LIN54: variants seen among roughly 807,000 people sequenced by gnomAD.
LIN54 encodes lin-54 DREAM MuvB core complex component, also known as protein lin-54 homolog.
LIN54 carries 9 observed loss-of-function variants against 78.7 expected under a neutral mutation model. The observed-to-expected ratio is 0.11, with a 90% CI of 0.07 to 0.20. The LOEUF (loss-of-function observed/expected upper bound fraction) is 0.20. Among genes scored for constraint, LIN54 ranks in the 10% least tolerant of loss-of-function variants. The probability of loss-of-function intolerance (pLI) is 1.00; values close to 1 mark genes in which losing one functional copy is unlikely to be tolerated. For missense variants in LIN54, 573 were observed against 889.9 expected (o/e 0.64, Z 4.53); for synonymous variants, 269 against 318.4 (o/e 0.84, Z 1.65).
intron 11 of LIN54, 143 bp from the exon 12 acceptor site, chr4:82,931,288 C>T: frequency 3.0e-6 from 2 of 665,606 alleles, no homozygotes; most frequent in Non-Finnish European, 5.2e-6. Flanking sequence ...GGCTGACAAA[C>T]AGTAACTACA....
chr4:83,000,747 CAGAA>C (rs1358103175), intron 1 of LIN54, among the ~76,000 whole-genome samples: 1 of 151,448 alleles, frequency 6.6e-6, no homozygotes, highest in African/African-American at 2.4e-5. Context: ...TCATGAAAAT[CAGAA>C]AGGATTACAC....
At chr4:82,970,237 G>T in intron 4 of LIN54, 90 bp downstream of exon 4, 1 of 1,173,660 alleles carries the variant, frequency 8.5e-7, no homozygotes. Flanking sequence ...GCTTGGGAAT[G>T]TACTAAAATT....
chr4:82,940,209 A>G (rs1722738080), intron 5 of LIN54, among the ~76,000 whole-genome samples: 1 of 152,228 alleles, frequency 6.6e-6, no homozygotes, highest in African/African-American at 2.4e-5. Context: ...TGTAGGTTCA[A>G]GACATTCAAA....
intron 1 of LIN54, among the ~76,000 whole-genome samples, chr4:82,992,310 C>T (rs1002676313): frequency 5.3e-5 from 8 of 152,172 alleles, no homozygotes; most frequent in African/African-American, 1.4e-4. Flanking sequence ...CTTCATTCCT[C>T]GTAGTGGTAA....
At chr4:82,971,484 A>C (rs1307456375) in intron 3 of LIN54, among the ~76,000 whole-genome samples, 1 of 151,806 alleles carries the variant, frequency 6.6e-6, no homozygotes, top group African/African-American at 2.4e-5. Context: ...ACCTTTTTGA[A>C]CCCACAATGG....
intron 4 of LIN54, among the ~76,000 whole-genome samples, chr4:82,956,954 T>C (rs1724387020): frequency 6.6e-6 from 1 of 152,124 alleles, no homozygotes; most frequent in African/African-American, 2.4e-5. Flanking sequence ...GGCTAATGGG[T>C]ACTGGTATAA....
rs1375493796 is a variant in LIN54, at chr4:82,984,670, T to C, written c.175A>G (p.Thr59Ala). The C allele has an allele frequency of 6.2e-7, 1 of 1,614,164 alleles. No homozygotes were observed. The highest frequency in any genetic ancestry group is 1.1e-5 in the South Asian group (1 of 91,086). ...NINSTGDSTA[T>A]PISTEPITVY... ...GTGATTGGTTCCGTGGAAATGGGCG[T>C]GGCTGTAGAGTCACCAGTAGAATTT... is the stretch of plus-strand genomic sequence containing the variant. The change falls in exon 2 of 13, where the codon ACG becomes GCG. Residue 59 changes from threonine (T) to alanine (A), a missense_variant. Thr to Ala is a moderately conservative substitution (Grantham distance 58). Coordinates refer to ENST00000340417, the MANE Select transcript of LIN54 (RefSeq NM_194282.4).
chr4:83,012,477 C>T (rs1293582821), upstream of LIN54, among the ~76,000 whole-genome samples: 2 of 152,130 alleles, frequency 1.3e-5, no homozygotes, highest in East Asian at 3.9e-4. Flanking sequence ...TGTCAACAGC[C>T]GCAGGAGCCC....
chr4:83,009,234 T>C (rs1422955018), intron 1 of LIN54, among the ~76,000 whole-genome samples: 1 of 152,214 alleles, frequency 6.6e-6, no homozygotes, highest in Non-Finnish European at 1.5e-5. Context: ...AAATTTGTGA[T>C]ATATGACACA....
Position 82,926,827 on chromosome 4 carries a change from T to C in LIN54, c.*1275A>G, listed in dbSNP as rs1721505929. 1 of 152,158 alleles carries C rather than the reference T, an allele frequency of 6.6e-6. No homozygotes were observed. Among genetic ancestry groups the C allele is most frequent in the African/African-American group, 2.4e-5 (1 of 41,440 alleles). 9.4% of individuals were successfully genotyped at this position (152,158 alleles called of 1,614,324 possible). A position where few individuals can be genotyped will look rare whatever the true frequency, so the allele number is the denominator to read the frequency against. Reference sequence around the variant, plus strand: ...TCTGTAAATCAAGTAAGAGTTGCGATTTGGTTTGAAACCTCTTAGTTCAAA... The same window carrying C: ...TCTGTAAATCAAGTAAGAGTTGCGACTTGGTTTGAAACCTCTTAGTTCAAA... On this transcript the variant is annotated 3_prime_UTR_variant, in exon 13 of 13. Coordinates refer to ENST00000340417, the MANE Select transcript of LIN54 (RefSeq NM_194282.4).
chr4:82,985,187 A>G (rs569774408), intron 1 of LIN54, among the ~76,000 whole-genome samples: 18 of 152,308 alleles, frequency 1.2e-4, no homozygotes, highest in African/African-American at 4.1e-4. Flanking sequence ...ACGCCCTCTA[A>G]TAAAATTTGT....
intron 5 of LIN54, among the ~76,000 whole-genome samples, chr4:82,942,859 C>T (rs111903125): frequency 5.9e-5 from 2 of 33,952 alleles, no homozygotes; most frequent in African/African-American, 9.9e-4. Context: ...CGTGTGCGCG[C>T]GCACACACAC....
intron 1 of LIN54, among the ~76,000 whole-genome samples, chr4:83,000,545 C>T (rs1440868927): frequency 6.6e-6 from 1 of 152,168 alleles, no homozygotes; most frequent in Non-Finnish European, 1.5e-5. Context: ...TTTTAAAATT[C>T]CTTTGATATT....
chr4:82,984,688 T>C lies in LIN54; in HGVS notation c.157A>G (p.Thr53Ala). ...ELEEIVNINSTGDSTATPIST... is the reference protein window; with the variant it reads ...ELEEIVNINSAGDSTATPIST... ...ATGGGCGTGGCTGTAGAGTCACCAG[T>C]AGAATTTATGTTGACAATTTCTTCC... Residue 53 changes from threonine (T) to alanine (A), a missense_variant, in exon 2 of 13, where the codon ACT becomes GCT. Transcript: ENST00000340417. 1 of 1,614,160 alleles carries C rather than the reference T, an allele frequency of 6.2e-7. No individual in the cohort carries two copies. The highest frequency in any genetic ancestry group is 8.5e-7 in the Non-Finnish European group (1 of 1,180,020).
chr4:83,011,493 G>A (rs1309306260), upstream of LIN54, among the ~76,000 whole-genome samples: 1 of 151,900 alleles, frequency 6.6e-6, no homozygotes, highest in African/African-American at 2.4e-5. Flanking sequence ...TGAACTAATT[G>A]TAGAAACATT....
chr4:82,942,879 CA>C (rs1723042979), intron 5 of LIN54, among the ~76,000 whole-genome samples: 1 of 151,796 alleles, frequency 6.6e-6, no homozygotes, highest in Admixed American at 6.6e-5. Flanking sequence ...CACACACACA[CA>C]CACACACACA....
chr4:83,006,753 T>C (rs924761291), intron 1 of LIN54, among the ~76,000 whole-genome samples: 1 of 152,238 alleles, frequency 6.6e-6, no homozygotes, highest in East Asian at 1.9e-4. Context: ...TGAGCTTCCT[T>C]AACTTTGTAA....
In LIN54 at chr4:82,928,041, C is replaced by G. The variant is rs896026675; in HGVS notation, c.*61G>C. Reference sequence around the variant, plus strand: ...AGTAATTGTTTTTCTTCCAGAAAATCAAGTGTCCCTGCACCTTAAATTTTC... The same window carrying G: ...AGTAATTGTTTTTCTTCCAGAAAATGAAGTGTCCCTGCACCTTAAATTTTC... On this transcript the variant is annotated 3_prime_UTR_variant, in exon 13 of 13. Transcript: ENST00000340417. The G allele has an allele frequency of 2.1e-5, 29 of 1,368,036 alleles. No homozygotes were observed. In the East Asian group the frequency reaches 6.4e-4, roughly 30 times the overall value. 84.7% of individuals were successfully genotyped at this position (1,368,036 alleles called of 1,614,324 possible).
At position 82,953,345 on chromosome 4, in the gene LIN54, C is replaced by G. The variant is rs141788950; in HGVS notation, c.952-6871G>C. On this transcript the variant is annotated intron_variant, in intron 4 of 12. Coordinates refer to ENST00000340417, the MANE Select transcript of LIN54 (RefSeq NM_194282.4). ...GAAATTCAGTTTCACAAGAAGAAAA[C>G]AGTTCTGGAGATGGATGGTTGTGAT... Among the ~76,000 whole-genome samples, 6 of 152,266 alleles carry G rather than the reference C, an allele frequency of 3.9e-5. No homozygotes were observed. In the East Asian group the frequency reaches 1.2e-3, roughly 29 times the overall value.
Sources: allele counts gnomAD v4.1 joint callset (sites outside exome capture counted in the v4.1 genomes callset), GRCh38; gene constraint gnomAD v4.1.1; transcripts MANE v1.5; gene names NCBI Gene and HGNC (gene_info 2026-07-23, HGNC 2026-07-21).